Variants in DIP2C observed in about 807,000 individuals in gnomAD.
DIP2C encodes DIP2 acetate--CoA ligase C (putative), also known as disco-interacting protein 2 homolog C.
Under a neutral mutation model 192.4 loss-of-function variants are expected in DIP2C, and 33 were observed. The ratio of observed to expected loss-of-function variants is 0.17; its 90% CI spans 0.13 to 0.23. The LOEUF (loss-of-function observed/expected upper bound fraction) is 0.23, where lower values mean the gene tolerates loss of function less well. Among genes scored for constraint, DIP2C ranks in the 10% least tolerant of loss-of-function variants. DIP2C has a pLI of 1.00. For missense variants in DIP2C, 1,537 were observed against 2,110.1 expected (o/e 0.73, Z 5.32); for synonymous variants, 979 against 864.1 (o/e 1.13, Z -2.33).
intron 1 of DIP2C, among the ~76,000 whole-genome samples, chr10:568,784 A>AAAC: frequency 6.9e-6 from 1 of 145,630 alleles, no homozygotes; most frequent in East Asian, 2.0e-4. Flanking sequence ...AAAAAAAAAA[A>AAAC]AAAAAAAAAA....
intron 3 of DIP2C, among the ~76,000 whole-genome samples, chr10:447,696 G>A (rs1308567913): frequency 5.7e-5 from 7 of 123,888 alleles, no homozygotes; most frequent in African/African-American, 9.2e-5. Flanking sequence ...CACACACAGT[G>A]GGGCAGCAGG....
intron 31 of DIP2C, among the ~76,000 whole-genome samples, chr10:315,980 GTTTTC>G (rs1956759328): frequency 6.6e-6 from 1 of 152,034 alleles, no homozygotes; most frequent in Admixed American, 6.5e-5. Flanking sequence ...TCTAATACTA[GTTTTC>G]ATTTCCAGCA....
chr10:378,357 GCACA>G (rs529372055), intron 17 of DIP2C, among the ~76,000 whole-genome samples: 1 of 152,118 alleles, frequency 6.6e-6, no homozygotes, highest in African/African-American at 2.4e-5. Flanking sequence ...ACACATGAAG[GCACA>G]CACATCAACA....
intron 15 of DIP2C, 88 bp downstream of exon 15, chr10:384,458 G>GA: frequency 7.4e-7 from 1 of 1,358,624 alleles, no homozygotes; most frequent in Non-Finnish European, 1.0e-6. Flanking sequence ...GGGTGGTCTG[G>GA]AACTCCTGAC....
intron 14 of DIP2C, 32 bp downstream of exon 14, chr10:387,713 T>G: frequency 6.2e-7 from 1 of 1,602,956 alleles, no homozygotes; most frequent in Admixed American, 1.7e-5. Flanking sequence ...GACTCCTTTG[T>G]GGACAGACAC....
At chr10:592,095 T>C (rs1346920903) in intron 1 of DIP2C, among the ~76,000 whole-genome samples, 2 of 152,230 alleles carry the variant, frequency 1.3e-5, no homozygotes, top group Non-Finnish European at 2.9e-5. Flanking sequence ...AGAGGTTTTT[T>C]TCTGTTATAA....
At chr10:418,888 A>G (rs1268410733) in intron 6 of DIP2C, among the ~76,000 whole-genome samples, 177 bp downstream of exon 6, 2 of 152,248 alleles carry the variant, frequency 1.3e-5, no homozygotes, top group East Asian at 1.9e-4. Flanking sequence ...CACTTGGAGA[A>G]TATTTGCATT....
chr10:550,021 T>C lies in DIP2C; in HGVS notation c.86-63491A>G, dbSNP rs557433672. On this transcript the variant is annotated intron_variant, in intron 1 of 36. Coordinates refer to ENST00000280886, the MANE Select transcript of DIP2C (RefSeq NM_014974.3). ...GGACGTGTAGCTTTTTTTTTTTTTTTTTTCTCTTAAGACAGTCTCCCTCTG... is the reference window on the plus strand; with the variant it reads ...GGACGTGTAGCTTTTTTTTTTTTTTCTTTCTCTTAAGACAGTCTCCCTCTG... 6.6e-5 allele frequency among the ~76,000 whole-genome samples: 10 copies of C among 151,256 alleles called. No individual in the cohort carries two copies. In the South Asian group the frequency reaches 1.9e-3, roughly 29 times the overall value.
intron 1 of DIP2C, among the ~76,000 whole-genome samples, chr10:528,472 C>T (rs371028582): frequency 5.0e-4 from 76 of 152,052 alleles, no homozygotes; most frequent in South Asian, 3.7e-3. Flanking sequence ...TACTCACATT[C>T]ATCTTATTAA....
chr10:439,085 A>G (rs1275645508), intron 4 of DIP2C, among the ~76,000 whole-genome samples: 2 of 152,208 alleles, frequency 1.3e-5, no homozygotes, highest in African/African-American at 2.4e-5. Flanking sequence ...GGCTCAAGCC[A>G]TACGCCTGCC....
At chr10:422,521 G>A (rs186322278) in intron 5 of DIP2C, among the ~76,000 whole-genome samples, 1 of 152,296 alleles carries the variant, frequency 6.6e-6, no homozygotes, top group Non-Finnish European at 1.5e-5. Flanking sequence ...TTAAAACCCT[G>A]TCCTGTTGAT....
At chr10:366,790 C>G (rs1960274711) in intron 18 of DIP2C, among the ~76,000 whole-genome samples, 1 of 152,204 alleles carries the variant, frequency 6.6e-6, no homozygotes, top group Admixed American at 6.5e-5. Flanking sequence ...AATCAAGCCT[C>G]TAATGTCTTA....
chr10:623,821 G>A (rs1006170629), intron 1 of DIP2C, among the ~76,000 whole-genome samples: 8 of 152,096 alleles, frequency 5.3e-5, no homozygotes, highest in Non-Finnish European at 1.0e-4. Flanking sequence ...GCTGGCCACT[G>A]CCCCTTGCAT....
intron 6 of DIP2C, among the ~76,000 whole-genome samples, chr10:418,344 T>C (rs917227816): frequency 1.2e-4 from 19 of 152,018 alleles, no homozygotes; most frequent in African/African-American, 4.6e-4. Flanking sequence ...GGGGCTCTGA[T>C]AGGCCTCCCT....
At chr10:378,592 T>TGC (rs10650305) in intron 17 of DIP2C, among the ~76,000 whole-genome samples, 13 of 147,892 alleles carry the variant, frequency 8.8e-5, no homozygotes, top group Middle Eastern at 3.6e-3. Flanking sequence ...AACGCAGACA[T>TGC]AGACACACAT....
intron 24 of DIP2C, among the ~76,000 whole-genome samples, chr10:353,189 G>C (rs1258919938): frequency 6.6e-6 from 1 of 152,026 alleles, no homozygotes; most frequent in Admixed American, 6.6e-5. Context: ...GAAACACAAA[G>C]AGTCTGCCCT....
At chr10:380,281 G>A (rs1265040871) in intron 17 of DIP2C, among the ~76,000 whole-genome samples, 1 of 150,534 alleles carries the variant, frequency 6.6e-6, no homozygotes, top group African/African-American at 2.5e-5. Context: ...GGCTGTCCCT[G>A]GATGATGGTT....
intron 29 of DIP2C, among the ~76,000 whole-genome samples, chr10:337,294 T>C (rs111164614): frequency 0.05 from 835 of 16,754 alleles, 2 homozygotes; most frequent in Middle Eastern, 0.1. Context: ...TGTGGAGGCC[T>C]AGGCAGCTGT....
intron 17 of DIP2C, among the ~76,000 whole-genome samples, chr10:382,304 C>T (rs750601538): frequency 3.3e-5 from 5 of 152,032 alleles, no homozygotes; most frequent in Non-Finnish European, 5.9e-5. Context: ...GAAAACAGAC[C>T]CTATCCCACC....
Sources: allele counts gnomAD v4.1 joint callset (sites outside exome capture counted in the v4.1 genomes callset), GRCh38; gene constraint gnomAD v4.1.1; transcripts MANE v1.5; gene names NCBI Gene and HGNC (gene_info 2026-07-23, HGNC 2026-07-21).